Variants in ERICH6B observed in about 807,000 individuals in gnomAD.
The protein encoded by ERICH6B is glutamate-rich protein 6B.
In ERICH6B, 69 loss-of-function variants were observed where a neutral mutation model predicts 80.0. That is an observed-to-expected ratio of 0.86 (90% CI 0.71 to 1.05). ERICH6B has a LOEUF of 1.05. Ranked by LOEUF, ERICH6B falls within the 50% of genes least tolerant of loss-of-function variation. The pLI is 0.00. For missense variants in ERICH6B, 754 were observed against 796.1 expected, an observed-to-expected ratio of 0.95 and a Z score of 0.64; for synonymous variants, 283 against 291.9, an observed-to-expected ratio of 0.97 and a Z score of 0.31.
intron 14 of ERICH6B, among the ~76,000 whole-genome samples, chr13:45,542,757 C>A (rs1017789866): frequency 2.6e-5 from 4 of 152,214 alleles, no homozygotes; most frequent in African/African-American, 9.6e-5. Flanking sequence ...CCAGGATAGG[C>A]AAGGATGCTG....
At chr13:45,571,147 A>G (rs767761998) in intron 8 of ERICH6B, among the ~76,000 whole-genome samples, 1 of 152,174 alleles carries the variant, frequency 6.6e-6, no homozygotes. Context: ...TGAGCATTCA[A>G]TGCTTGGGGA....
At chr13:45,584,717 G>A (rs955241428) in intron 5 of ERICH6B, among the ~76,000 whole-genome samples, 5 of 152,136 alleles carry the variant, frequency 3.3e-5, no homozygotes, top group African/African-American at 9.7e-5. Context: ...GCCTGGCTTC[G>A]TCTTTGCTGA....
chr13:45,572,241 C>T (rs1473290791), intron 8 of ERICH6B, among the ~76,000 whole-genome samples: 1 of 152,192 alleles, frequency 6.6e-6, no homozygotes, highest in Non-Finnish European at 1.5e-5. Flanking sequence ...GAAATCTGTA[C>T]CATGTCATGG....
intron 8 of ERICH6B, among the ~76,000 whole-genome samples, chr13:45,572,200 T>A (rs4572286): frequency 0.088 from 13,453 of 152,208 alleles, 989 homozygotes; most frequent in African/African-American, 0.2. Context: ...GTACCCTTCT[T>A]GTCCTCTTCA....
Position 45,609,310 on chromosome 13 carries a change from G to A in ERICH6B, c.-110-1695C>T, listed in dbSNP as rs1225972592. 2.6e-5 allele frequency among the ~76,000 whole-genome samples: 4 copies of A among 152,132 alleles called. No individual in the cohort carries two copies. In the East Asian group the frequency reaches 7.7e-4, roughly 29 times the overall value. On this transcript the variant is annotated intron_variant, in intron 1 of 14. Transcript: ENST00000298738. ...CTTGCTGCAGCCTGTTCTCACCTCA[G>A]GATGCTTCCACTTGCCCTTCCCACT...
intron 11 of ERICH6B, among the ~76,000 whole-genome samples, chr13:45,551,035 A>G (rs1300960267): frequency 6.6e-6 from 1 of 152,206 alleles, no homozygotes; most frequent in African/African-American, 2.4e-5. Context: ...TTCTTCAATC[A>G]GTTTTTGCAA....
At position 45,596,871 on chromosome 13, in the gene ERICH6B, A is replaced by G. The variant is rs1174517850; in HGVS notation, c.135T>C (p.Asp45=). ...EVELDEESLQ[D]ESPFSPEGES... ...CTCCCTCTGGAGAAAATGGAGATTC[A>G]TCCTGTAGACTTTCCTCATCTAGTT... The change falls in exon 3 of 15, where the codon GAT becomes GAC. Residue 45 remains aspartate (D), a synonymous_variant. Coordinates refer to ENST00000298738, the MANE Select transcript of ERICH6B (RefSeq NM_182542.3). The G allele has an allele frequency of 6.4e-7, 1 of 1,551,826 alleles. No individual in the cohort carries two copies. The highest frequency in any genetic ancestry group is 8.7e-7 in the Non-Finnish European group (1 of 1,147,018).
intron 1 of ERICH6B, among the ~76,000 whole-genome samples, chr13:45,608,921 G>GAA (rs1216912274): frequency 6.6e-6 from 1 of 152,172 alleles, no homozygotes; most frequent in Non-Finnish European, 1.5e-5. Context: ...GTGCTCAGAT[G>GAA]AAGAAGCTTG....
chr13:45,567,035 AAAG>A, intron 9 of ERICH6B, among the ~76,000 whole-genome samples: 1 of 152,356 alleles, frequency 6.6e-6, no homozygotes, highest in East Asian at 1.9e-4. Flanking sequence ...ACATGGAGTT[AAAG>A]AAGATTATTT....
At chr13:45,572,841 C>T (rs977623762) in intron 8 of ERICH6B, among the ~76,000 whole-genome samples, 1 of 152,024 alleles carries the variant, frequency 6.6e-6, no homozygotes, top group Non-Finnish European at 1.5e-5. Flanking sequence ...CACAAATGTC[C>T]AATAATTGTG....
intron 5 of ERICH6B, 116 bp from the exon 6 acceptor site, chr13:45,580,781 A>C: frequency 1.0e-6 from 1 of 987,500 alleles, no homozygotes; most frequent in Non-Finnish European, 1.5e-6. Context: ...GCTGGTCAAC[A>C]GTTGGGGGGA....
intron 2 of ERICH6B, among the ~76,000 whole-genome samples, chr13:45,599,340 T>A (rs1479641902): frequency 6.6e-6 from 1 of 152,164 alleles, no homozygotes; most frequent in Non-Finnish European, 1.5e-5. Context: ...TGGAGAGTTT[T>A]AAAACCCATC....
intron 5 of ERICH6B, among the ~76,000 whole-genome samples, chr13:45,585,062 A>G (rs749930616): frequency 6.6e-5 from 10 of 152,246 alleles, no homozygotes; most frequent in Non-Finnish European, 1.3e-4. Context: ...AAGCAAGGGA[A>G]CATGGACACT....
chr13:45,555,104 T>C (rs1011997420), intron 11 of ERICH6B, among the ~76,000 whole-genome samples: 3 of 151,964 alleles, frequency 2.0e-5, no homozygotes, highest in African/African-American at 4.8e-5. Flanking sequence ...GGTGGGTAGA[T>C]GGTGCCAGAG....
chr13:45,543,285 C>T (rs1873861341), intron 14 of ERICH6B, among the ~76,000 whole-genome samples: 1 of 152,156 alleles, frequency 6.6e-6, no homozygotes, highest in Admixed American at 6.5e-5. Flanking sequence ...AGTTGGAGCT[C>T]TGGGGGTCCA....
chr13:45,565,895 C>T (rs555974603), intron 9 of ERICH6B, among the ~76,000 whole-genome samples: 10 of 152,266 alleles, frequency 6.6e-5, no homozygotes, highest in African/African-American at 2.4e-4. Context: ...GGAGTTGGAA[C>T]AGTTTGGAGG....
intron 7 of ERICH6B, among the ~76,000 whole-genome samples, chr13:45,578,250 C>T (rs1875506491): frequency 6.6e-6 from 1 of 152,202 alleles, no homozygotes; most frequent in Non-Finnish European, 1.5e-5. Flanking sequence ...CAGAATTCCC[C>T]ATGCCCCTGA....
Position 45,577,276 on chromosome 13 carries a change from C to CTTTTTTTTTTTTTTTTTTTTTTTTTTT in ERICH6B, c.962-2347_962-2346insAAAAAAAAAAAAAAAAAAAAAAAAAAA, listed in dbSNP as rs34244794. ...TCTCCTGGACTGATTAAAAACAAATCTTTTTTTTTTTTTTTTTTTTTTTTT... is the reference window on the plus strand; with the variant it reads ...TCTCCTGGACTGATTAAAAACAAATCTTTTTTTTTTTTTTTTTTTTTTTTTTTTTTTTTTTTTTTTTTTTTTTTTTTT... On this transcript the variant is annotated intron_variant, in intron 7 of 14. Coordinates refer to ENST00000298738, the MANE Select transcript of ERICH6B (RefSeq NM_182542.3). Among the ~76,000 whole-genome samples, 18 of 86,086 alleles carry CTTTTTTTTTTTTTTTTTTTTTTTTTTT rather than the reference C, an allele frequency of 2.1e-4. 1 individual carries two copies. Among genetic ancestry groups the CTTTTTTTTTTTTTTTTTTTTTTTTTTT allele is most frequent in the East Asian group, 4.8e-4 (1 of 2,078 alleles). 56.5% of individuals were successfully genotyped at this position (86,086 alleles called of 152,430 possible).
intron 1 of ERICH6B, among the ~76,000 whole-genome samples, chr13:45,612,427 G>C (rs1249044927): frequency 4.6e-5 from 7 of 152,218 alleles, no homozygotes; most frequent in Admixed American, 1.3e-4. Flanking sequence ...AATGAGAAAA[G>C]AGGAGAGTTT....
Sources: gnomAD v4.1 joint callset for allele counts (sites outside exome capture counted in the v4.1 genomes callset) on GRCh38, gnomAD v4.1.1 for gene constraint, MANE v1.5 for transcripts, NCBI Gene and HGNC (gene_info 2026-07-23, HGNC 2026-07-21) for gene names.